The following TTC28 variants were observed in gnomAD, a reference collection of about 807,000 sequenced individuals.
The protein encoded by TTC28 is tetratricopeptide repeat protein 28.
Under a neutral mutation model 198.0 loss-of-function variants are expected in TTC28, and 61 were observed. The ratio of observed to expected loss-of-function variants is 0.31; its 90% CI spans 0.25 to 0.38. The LOEUF (loss-of-function observed/expected upper bound fraction) is 0.38. Ranked by LOEUF, TTC28 falls within the 10% of genes least tolerant of loss-of-function variation. TTC28 has a pLI of 1.00. For synonymous variants in TTC28, 1,171 were observed against 1,297.8 expected (o/e 0.90, Z 2.10); for missense variants, 2,678 against 3,164.0 (o/e 0.85, Z 3.69).
At chr22:28,674,298 T>G (rs1256076562) in intron 1 of TTC28, among the ~76,000 whole-genome samples, 6 of 150,304 alleles carry the variant, frequency 4.0e-5, no homozygotes, top group African/African-American at 1.5e-4. Flanking sequence ...TCTGTGGTTT[T>G]GGAGTTTTTG....
At chr22:28,035,014 G>A (rs1228223219) in intron 12 of TTC28, among the ~76,000 whole-genome samples, 3 of 152,224 alleles carry the variant, frequency 2.0e-5, no homozygotes, top group African/African-American at 7.2e-5. Context: ...TGGGGACAGG[G>A]CTTGGCAAGA....
At chr22:28,080,720 T>C (rs1483877391) in intron 12 of TTC28, among the ~76,000 whole-genome samples, 1 of 152,194 alleles carries the variant, frequency 6.6e-6, no homozygotes, top group Non-Finnish European at 1.5e-5. Flanking sequence ...TTTTCTTTTG[T>C]TGCCTGTGCT....
At chr22:28,043,309 G>A (rs1457574279) in intron 12 of TTC28, among the ~76,000 whole-genome samples, 1 of 149,838 alleles carries the variant, frequency 6.7e-6, no homozygotes, top group East Asian at 2.0e-4. Context: ...GTCACATATG[G>A]TGACCATCCT....
intron 5 of TTC28, among the ~76,000 whole-genome samples, chr22:28,207,920 T>C (rs1341666332): frequency 6.6e-6 from 1 of 152,082 alleles, no homozygotes; most frequent in Non-Finnish European, 1.5e-5. Flanking sequence ...TGGCAGAACT[T>C]GACTCGCATG....
intron 2 of TTC28, among the ~76,000 whole-genome samples, chr22:28,569,040 G>A (rs962385712): frequency 4.6e-5 from 7 of 152,012 alleles, no homozygotes; most frequent in Non-Finnish European, 7.4e-5. Flanking sequence ...CCTGCTACCC[G>A]GGAGGCTGAG....
At position 28,451,976 on chromosome 22, in the gene TTC28, C is replaced by T. The variant is rs1357979850; in HGVS notation, c.382-145333G>A. Reference sequence around the variant, plus strand: ...AAGTTATTAACTTTCCCAAAGAAACCCTGATTATTCAGTGGTAGTGACTGT... The same window carrying T: ...AAGTTATTAACTTTCCCAAAGAAACTCTGATTATTCAGTGGTAGTGACTGT... On this transcript the variant is annotated intron_variant, in intron 2 of 22. Transcript: ENST00000397906. Among the ~76,000 whole-genome samples the T allele has an allele frequency of 2.0e-5, 3 of 151,882 alleles. No homozygotes were observed. The South Asian group carries it at 6.2e-4, about 32-fold the overall frequency.
intron 2 of TTC28, among the ~76,000 whole-genome samples, chr22:28,470,942 C>T (rs2048089537): frequency 6.6e-6 from 1 of 152,170 alleles, no homozygotes; most frequent in African/African-American, 2.4e-5. Context: ...CGAAGGCCTA[C>T]AGATTTAGAG....
chr22:28,233,146 G>A (rs1310098797), intron 5 of TTC28, among the ~76,000 whole-genome samples: 3 of 150,744 alleles, frequency 2.0e-5, no homozygotes, highest in African/African-American at 7.3e-5. Flanking sequence ...CTTTTCCCTT[G>A]TTGCTTTATA....
At chr22:28,004,416 C>T (rs1231592860) in intron 14 of TTC28, among the ~76,000 whole-genome samples, 1 of 152,144 alleles carries the variant, frequency 6.6e-6, no homozygotes, top group Non-Finnish European at 1.5e-5. Context: ...CTTGCTGGGA[C>T]TCAGTGAGAG....
At chr22:28,201,334 C>G (rs539528920) in intron 5 of TTC28, among the ~76,000 whole-genome samples, 1 of 152,034 alleles carries the variant, frequency 6.6e-6, no homozygotes, top group Non-Finnish European at 1.5e-5. Context: ...ACTTCAAACA[C>G]GAAATTATAA....
intron 2 of TTC28, among the ~76,000 whole-genome samples, chr22:28,330,629 C>T (rs534631549): frequency 2.0e-5 from 3 of 152,178 alleles, no homozygotes; most frequent in East Asian, 3.9e-4. Flanking sequence ...AGTATCAAAA[C>T]GATTTCCTAT....
At chr22:27,994,620 A>G (rs1347609950) in intron 17 of TTC28, 1 of 152,222 alleles carries the variant, frequency 6.6e-6, no homozygotes, top group Non-Finnish European at 1.5e-5. Context: ...CACACTGCCC[A>G]CTGGGTCAAG....
intron 2 of TTC28, among the ~76,000 whole-genome samples, chr22:28,483,499 CT>C (rs2048279702): frequency 6.6e-6 from 1 of 152,044 alleles, no homozygotes; most frequent in Non-Finnish European, 1.5e-5. Flanking sequence ...GCACTTTCAT[CT>C]TTCTGATTTG....
intron 5 of TTC28, among the ~76,000 whole-genome samples, chr22:28,181,871 AAAACAAACAAAC>A (rs370898921): frequency 6.6e-6 from 1 of 152,132 alleles, no homozygotes; most frequent in Non-Finnish European, 1.5e-5. Context: ...CTGTTTCTCA[AAAACAAACAAAC>A]AAACAAACAA....
intron 5 of TTC28, among the ~76,000 whole-genome samples, chr22:28,243,903 G>A (rs995026386): frequency 6.6e-6 from 1 of 152,168 alleles, no homozygotes; most frequent in Non-Finnish European, 1.5e-5. Context: ...TATGTGGTAA[G>A]CACTGTTACA....
At chr22:28,316,983 A>G (rs2045362751) in intron 2 of TTC28, among the ~76,000 whole-genome samples, 1 of 151,956 alleles carries the variant, frequency 6.6e-6, no homozygotes, top group Admixed American at 6.6e-5. Context: ...TATGTTATCT[A>G]GGCTGGTCTC....
At position 28,604,297 on chromosome 22, in the gene TTC28, T is replaced by TATATATATATATATA. The variant is rs1053139903; in HGVS notation, c.381+25254_381+25255insTATATATATATATAT. ...AGTCTTAAACAGAAAAAAAAAAAAATTATATATATATATATATATATATAT... is the reference window on the plus strand; with the variant it reads ...AGTCTTAAACAGAAAAAAAAAAAAATATATATATATATATATATATATATATATATATATATATAT... On this transcript the variant is annotated intron_variant, in intron 2 of 22. Transcript: ENST00000397906. 1.7e-3 allele frequency among the ~76,000 whole-genome samples: 194 copies of TATATATATATATATA among 114,000 alleles called. 1 individual carries two copies. The highest frequency in any genetic ancestry group is 2.6e-3 in the Non-Finnish European group (147 of 55,784). 74.8% of individuals were successfully genotyped at this position (114,000 alleles called of 152,430 possible).
At chr22:28,253,497 G>A (rs528247564) in intron 5 of TTC28, among the ~76,000 whole-genome samples, 1 of 152,252 alleles carries the variant, frequency 6.6e-6, no homozygotes, top group East Asian at 1.9e-4. Context: ...GCAGATTAAA[G>A]CTCCATGGGG....
intron 12 of TTC28, among the ~76,000 whole-genome samples, chr22:28,055,737 T>A (rs577833862): frequency 3.0e-4 from 45 of 152,126 alleles, no homozygotes; most frequent in Non-Finnish European, 5.3e-4. Context: ...AGTTTAATGC[T>A]TTTTCATGCA....
Sources: gnomAD v4.1 joint callset for allele counts (sites outside exome capture counted in the v4.1 genomes callset) on GRCh38, gnomAD v4.1.1 for gene constraint, MANE v1.5 for transcripts, NCBI Gene and HGNC (gene_info 2026-07-23, HGNC 2026-07-21) for gene names.